DNM3: variants seen among roughly 807,000 people sequenced by gnomAD.
DNM3 encodes the protein dynamin-3.
A neutral mutation model predicts 101.6 loss-of-function variants in DNM3; 47 were observed. The ratio of observed to expected loss-of-function variants is 0.46; its 90% confidence interval spans 0.37 to 0.59. DNM3 has a LOEUF of 0.59. DNM3 is among the 20% of genes least tolerant of loss of function. The probability of loss-of-function intolerance (pLI) is 0.00; values close to 1 mark genes in which losing one functional copy is unlikely to be tolerated. For synonymous variants in DNM3, 385 were observed against 387.9 expected (o/e 0.99, Z 0.09); for missense variants, 849 against 1,085.7 (o/e 0.78, Z 3.06).
intron 14 of DNM3, among the ~76,000 whole-genome samples, chr1:172,158,049 G>C (rs1558654858): frequency 6.6e-6 from 1 of 152,036 alleles, no homozygotes. Flanking sequence ...TAAGGAAAGA[G>C]AATAGAAAAT....
In DNM3 at chr1:172,410,890, A is replaced by AGTAT; in HGVS notation, c.*3052_*3055dup. Reference sequence around the variant, plus strand: ...CAAATATGAAATGGGACCTAATACCAGTATGTGATAAATGTTGATGTTTTC... The same window carrying AGTAT: ...CAAATATGAAATGGGACCTAATACCAGTATGTATGTGATAAATGTTGATGTTTTC... On this transcript the variant is annotated 3_prime_UTR_variant, in exon 21 of 21. Transcript: ENST00000627582. 1 of 985,300 alleles carries AGTAT rather than the reference A, an allele frequency of 1.0e-6. No individual in the cohort carries two copies. The highest frequency in any genetic ancestry group is 1.2e-6 in the Non-Finnish European group (1 of 829,830). The allele number at this position is 985,300 out of a possible 1,614,324, so 61.0% of individuals were successfully genotyped here. A position where few individuals can be genotyped will look rare whatever the true frequency, so the allele number is the denominator to read the frequency against.
intron 1 of DNM3, among the ~76,000 whole-genome samples, chr1:171,857,240 G>A (rs1246402890): frequency 6.6e-6 from 1 of 152,158 alleles, no homozygotes; most frequent in Non-Finnish European, 1.5e-5. Context: ...ATACATAGAT[G>A]GAGGGAGACA....
Position 172,368,715 on chromosome 1 carries a change from T to G in DNM3, c.1894-10303T>G, listed in dbSNP as rs962756048. Among the ~76,000 whole-genome samples, 4 of 151,694 alleles carry G rather than the reference T, an allele frequency of 2.6e-5. No homozygotes were observed. The South Asian group carries it at 6.2e-4, about 24-fold the overall frequency. ...AAGATAAACAGAATTGACAAACCAT[T>G]AGCTAAACTAAGACAAAAAGACCCA... On this transcript the variant is annotated intron_variant, in intron 17 of 20. Transcript: ENST00000627582.
chr1:172,051,482 C>T (rs2050200466), intron 10 of DNM3, among the ~76,000 whole-genome samples: 1 of 152,166 alleles, frequency 6.6e-6, no homozygotes, highest in Non-Finnish European at 1.5e-5. Flanking sequence ...CCATTCAGTC[C>T]ACTCTAGCAT....
At chr1:172,298,768 G>T (rs978757246) in intron 15 of DNM3, among the ~76,000 whole-genome samples, 3 of 151,710 alleles carry the variant, frequency 2.0e-5, no homozygotes, top group African/African-American at 7.3e-5. Context: ...TTATGGGCTA[G>T]TTGAGAAGGT....
chr1:172,229,234 A>G (rs1008796036), intron 14 of DNM3, among the ~76,000 whole-genome samples: 6 of 152,150 alleles, frequency 3.9e-5, no homozygotes, highest in Non-Finnish European at 7.4e-5. Context: ...CATTCAACCA[A>G]CCAACAATTA....
intron 15 of DNM3, among the ~76,000 whole-genome samples, chr1:172,282,666 C>T (rs978273753): frequency 2.6e-5 from 4 of 152,116 alleles, no homozygotes; most frequent in Non-Finnish European, 4.4e-5. Context: ...TTATCTACTC[C>T]ACATATTTAA....
At chr1:172,350,312 T>G (rs12143700) in intron 17 of DNM3, among the ~76,000 whole-genome samples, 11,510 of 101,422 alleles carry the variant, frequency 0.11, 493 homozygotes, top group South Asian at 0.25. Flanking sequence ...CCTTCCATTT[T>G]ATCTTGTGTG....
At chr1:171,958,878 A>G (rs1279420933) in intron 2 of DNM3, among the ~76,000 whole-genome samples, 2 of 152,206 alleles carry the variant, frequency 1.3e-5, no homozygotes, top group African/African-American at 2.4e-5. Flanking sequence ...CATATTTCTA[A>G]AAAATTATGG....
chr1:172,297,592 C>A (rs756983703), intron 15 of DNM3, among the ~76,000 whole-genome samples: 1 of 152,066 alleles, frequency 6.6e-6, no homozygotes, highest in African/African-American at 2.4e-5. Flanking sequence ...TACCAACCTT[C>A]TTTTCTAAAT....
chr1:171,955,622 G>A (rs959818837), intron 2 of DNM3, among the ~76,000 whole-genome samples: 1 of 152,162 alleles, frequency 6.6e-6, no homozygotes, highest in Non-Finnish European at 1.5e-5. Flanking sequence ...GTCTATTGTG[G>A]GAATATGGAG....
chr1:172,126,786 C>T (rs141129699), intron 13 of DNM3, among the ~76,000 whole-genome samples: 12 of 152,014 alleles, frequency 7.9e-5, no homozygotes, highest in African/African-American at 2.2e-4. Context: ...TCCAGTGGCA[C>T]CTCCTGACCT....
chr1:172,212,895 G>A (rs1055732495), intron 14 of DNM3, among the ~76,000 whole-genome samples: 1 of 152,138 alleles, frequency 6.6e-6, no homozygotes, highest in Admixed American at 6.6e-5. Flanking sequence ...GTCTTTTGGT[G>A]TGAAATCATG....
At chr1:171,861,364 G>A (rs1267975938) in intron 1 of DNM3, among the ~76,000 whole-genome samples, 2 of 152,122 alleles carry the variant, frequency 1.3e-5, no homozygotes, top group Non-Finnish European at 1.5e-5. Flanking sequence ...CTACAAATCA[G>A]TGTAATACTG....
intron 20 of DNM3, chr1:172,394,394 C>T (rs536884496): frequency 2.0e-5 from 3 of 152,218 alleles, no homozygotes; most frequent in African/African-American, 7.2e-5. Flanking sequence ...CTATCTCACT[C>T]TTCCAAACAT....
intron 14 of DNM3, chr1:172,139,899 A>G (rs185918811): frequency 9.1e-4 from 138 of 152,190 alleles, no homozygotes; most frequent in African/African-American, 3.2e-3. Context: ...TCAATTATCA[A>G]TTCACATCTT....
chr1:171,998,744 G>T (rs2046175065), intron 4 of DNM3, among the ~76,000 whole-genome samples: 1 of 152,136 alleles, frequency 6.6e-6, no homozygotes, highest in African/African-American at 2.4e-5. Flanking sequence ...GATTGGGAAT[G>T]CTGTCTTAGA....
intron 4 of DNM3, among the ~76,000 whole-genome samples, chr1:172,005,406 T>G (rs2125686663): frequency 6.6e-6 from 1 of 152,208 alleles, no homozygotes; most frequent in Non-Finnish European, 1.5e-5. Flanking sequence ...AAAAAACCAA[T>G]AGTTTTAGCA....
intron 10 of DNM3, among the ~76,000 whole-genome samples, chr1:172,051,613 A>G (rs2050208816): frequency 1.3e-5 from 2 of 152,192 alleles, no homozygotes; most frequent in African/African-American, 2.4e-5. Context: ...TTTTAAGCCA[A>G]TTGGGAAATT....
Sources: gnomAD v4.1 joint callset for allele counts (sites outside exome capture counted in the v4.1 genomes callset) on GRCh38, gnomAD v4.1.1 for gene constraint, MANE v1.5 for transcripts, NCBI Gene and HGNC (gene_info 2026-07-23, HGNC 2026-07-21) for gene names.